Variants in SLC39A9 observed in about 807,000 individuals in gnomAD.
SLC39A9 encodes solute carrier family 39 member 9, also known as zinc transporter ZIP9.
Under a neutral mutation model 28.4 loss-of-function variants are expected in SLC39A9, and 14 were observed. The ratio of observed to expected loss-of-function variants is 0.49; its 90% confidence interval spans 0.33 to 0.77. SLC39A9 has a LOEUF of 0.77. Among genes scored for constraint, SLC39A9 ranks in the 30% least tolerant of loss-of-function variants. The pLI is 0.02. For synonymous variants in SLC39A9, 119 were observed against 149.6 expected (o/e 0.80, Z 1.49); for missense variants, 283 against 381.1 (o/e 0.74, Z 2.14).
Position 69,453,287 on chromosome 14 carries a change from G to T in SLC39A9, c.450G>T (p.Leu150=). 1 of 1,614,008 alleles carries T rather than the reference G, an allele frequency of 6.2e-7. No homozygotes were observed. Among genetic ancestry groups the T allele is most frequent in the East Asian group, 2.2e-5 (1 of 44,884 alleles). Residue 150 remains leucine (L), a synonymous_variant, in exon 4 of 7, where the codon CTG becomes CTT. Coordinates refer to ENST00000336643, the MANE Select transcript of SLC39A9 (RefSeq NM_018375.5). ...RSSNSKITTT[L]GLVVHAAADG... ...GCAATTCCAAAATCACCACCACGCT[G>T]GGTCTGGTTGTCCATGCTGCAGGTA...
intron 4 of SLC39A9, among the ~76,000 whole-genome samples, chr14:69,453,911 A>G (rs1375629109): frequency 2.6e-5 from 4 of 152,374 alleles, no homozygotes; most frequent in South Asian, 2.1e-4. Context: ...TCTAGCTCTT[A>G]AGAAGAAGTT....
chr14:69,424,350 T>C (rs1009285176), intron 2 of SLC39A9, 148 bp downstream of exon 2: 10 of 610,632 alleles, frequency 1.6e-5, no homozygotes, highest in Non-Finnish European at 2.6e-5. Flanking sequence ...CTTGATATCT[T>C]TGATATTGAC....
In SLC39A9 at chr14:69,458,609, C is replaced by T; in HGVS notation, c.*16C>T. ...CCAGCATTAAATGTTCAAGGTCCAGCCTTGGTCCAGGGCCGTTTGCCATCC... is the reference window on the plus strand; with the variant it reads ...CCAGCATTAAATGTTCAAGGTCCAGTCTTGGTCCAGGGCCGTTTGCCATCC... On this transcript the variant is annotated 3_prime_UTR_variant, in exon 7 of 7. Transcript: ENST00000336643. 1 of 1,591,550 alleles carries T rather than the reference C, an allele frequency of 6.3e-7. No homozygotes were observed. The highest frequency in any genetic ancestry group is 8.6e-7 in the Non-Finnish European group (1 of 1,166,078).
intron 2 of SLC39A9, 85 bp downstream of exon 2, chr14:69,424,287 A>T (rs943764751): frequency 1.0e-6 from 1 of 984,070 alleles, no homozygotes; most frequent in Non-Finnish European, 1.6e-6. Context: ...TTTTCTGAGC[A>T]CAGTTCATGT....
rs905147636 is a variant in SLC39A9 at position 69,440,743 on chromosome 14, G to C, written c.206-1326G>C. On this transcript the variant is annotated intron_variant, in intron 2 of 6. Transcript: ENST00000336643. ...GGCTGGAAGGCAGTGGCGTGATCTC[G>C]GCTCACTGCAACCTCCGACTCCCTG... Among the ~76,000 whole-genome samples the C allele has an allele frequency of 5.9e-5, 9 of 152,158 alleles. 1 individual carries two copies. The highest frequency in any genetic ancestry group is 2.0e-4 in the Admixed American group (3 of 15,276).
At chr14:69,432,941 T>C (rs911895488) in intron 2 of SLC39A9, among the ~76,000 whole-genome samples, 2 of 152,232 alleles carry the variant, frequency 1.3e-5, no homozygotes, top group Non-Finnish European at 2.9e-5. Flanking sequence ...TATAGTCTTA[T>C]AGTGTAGTTT....
chr14:69,460,914 G>T lies in SLC39A9; in HGVS notation c.*2321G>T. Reference sequence around the variant, plus strand: ...TAGGGCTCAAATGCATCTTCAGGCAGCAGGGAACCAAGCAGCGTGGCACAG... The same window carrying T: ...TAGGGCTCAAATGCATCTTCAGGCATCAGGGAACCAAGCAGCGTGGCACAG... On this transcript the variant is annotated 3_prime_UTR_variant, in exon 7 of 7. Transcript: ENST00000336643. The T allele has an allele frequency of 2.0e-6, 2 of 985,580 alleles. No individual in the cohort carries two copies. The highest frequency in any genetic ancestry group is 1.2e-6 in the Non-Finnish European group (1 of 830,054). 61.1% of individuals were successfully genotyped at this position (985,580 alleles called of 1,614,324 possible).
intron 2 of SLC39A9, 46 bp downstream of exon 2, chr14:69,424,248 G>A: frequency 7.1e-7 from 1 of 1,415,914 alleles, no homozygotes; most frequent in Non-Finnish European, 1.0e-6. Context: ...TTGACTTGGA[G>A]GGTTAGCAGG....
At chr14:69,449,871 A>G (rs993825028) in intron 3 of SLC39A9, among the ~76,000 whole-genome samples, 4 of 151,810 alleles carry the variant, frequency 2.6e-5, no homozygotes, top group African/African-American at 9.7e-5. Flanking sequence ...GTGTATACAC[A>G]TGTGTGAGTG....
At chr14:69,453,357 G>C in intron 4 of SLC39A9, 48 bp downstream of exon 4, 1 of 1,550,162 alleles carries the variant, frequency 6.5e-7, no homozygotes, top group Non-Finnish European at 8.9e-7. Context: ...TCGCACAGGG[G>C]AGACCTTAGT....
Position 69,451,426 on chromosome 14 carries a change from T to A in SLC39A9, c.404-1815T>A, listed in dbSNP as rs1286160455. ...TATGTTTCCTACAAGAGCAGTAACA[T>A]CTTTATTTAATACACATAAATGCTT... On this transcript the variant is annotated intron_variant, in intron 3 of 6. Coordinates refer to ENST00000336643, the MANE Select transcript of SLC39A9 (RefSeq NM_018375.5). Among the ~76,000 whole-genome samples the A allele has an allele frequency of 2.0e-5, 3 of 152,222 alleles. No individual in the cohort carries two copies. The East Asian group carries it at 5.8e-4, about 29-fold the overall frequency.
Position 69,458,506 on chromosome 14 carries a change from A to C in SLC39A9, c.837A>C (p.Gly279=), listed in dbSNP as rs777816810. ...ACAGCCACAAGCCCGATGCCACGGG[A>C]GGGAGAGGCCTCAGCCGCCTGGAAG... The part of the protein sequence containing the change: ...IGHSHKPDAT[G]GRGLSRLEVA... Residue 279 remains glycine, a synonymous_variant, in exon 7 of 7, where the codon GGA becomes GGC. Coordinates refer to ENST00000336643, the MANE Select transcript of SLC39A9 (RefSeq NM_018375.5). The C allele has an allele frequency of 6.2e-7, 1 of 1,614,218 alleles. No homozygotes were observed. Among genetic ancestry groups the C allele is most frequent in the East Asian group, 2.2e-5 (1 of 44,890 alleles).
At chr14:69,407,802 C>A (rs946982193) in intron 1 of SLC39A9, among the ~76,000 whole-genome samples, 4 of 151,570 alleles carry the variant, frequency 2.6e-5, no homozygotes, top group African/African-American at 9.7e-5. Flanking sequence ...CCATGCCTGG[C>A]TAGTTTTGTA....
intron 4 of SLC39A9, 76 bp from the exon 5 acceptor site, chr14:69,454,736 C>A: frequency 8.2e-7 from 1 of 1,216,882 alleles, no homozygotes; most frequent in Non-Finnish European, 1.2e-6. Context: ...GACTGTAAAG[C>A]TCATACACTC....
intron 1 of SLC39A9, among the ~76,000 whole-genome samples, chr14:69,420,139 T>C (rs1297804090): frequency 6.6e-6 from 1 of 152,190 alleles, no homozygotes; most frequent in African/African-American, 2.4e-5. Flanking sequence ...CTGGTACTGG[T>C]TGTTCCTTTC....
intron 2 of SLC39A9, among the ~76,000 whole-genome samples, chr14:69,439,134 A>G (rs562956323): frequency 1.3e-5 from 2 of 152,342 alleles, no homozygotes; most frequent in South Asian, 2.1e-4. Flanking sequence ...ATTTTTATAC[A>G]CTAACAATGA....
intron 4 of SLC39A9, among the ~76,000 whole-genome samples, chr14:69,453,910 T>C (rs924846328): frequency 6.6e-6 from 1 of 152,224 alleles, no homozygotes; most frequent in African/African-American, 2.4e-5. Flanking sequence ...GTCTAGCTCT[T>C]AAGAAGAAGT....
chr14:69,446,447 AGAAG>A (rs1885307760), intron 3 of SLC39A9, among the ~76,000 whole-genome samples: 1 of 151,904 alleles, frequency 6.6e-6, no homozygotes, highest in South Asian at 2.1e-4. Context: ...TGAAAAAAAC[AGAAG>A]GAAGGAAGAA....
chr14:69,444,636 T>A lies in SLC39A9; in HGVS notation c.403+2370T>A, dbSNP rs1212523953. Among the ~76,000 whole-genome samples, 3 of 152,092 alleles carry A rather than the reference T, an allele frequency of 2.0e-5. No individual in the cohort carries two copies. The East Asian group carries it at 5.8e-4, about 29-fold the overall frequency. On this transcript the variant is annotated intron_variant, in intron 3 of 6. Transcript: ENST00000336643. ...CTACATATATGTTTACCCTTTGAAATCCCACTTCTAGGGATTTACTCAAAT... is the reference window on the plus strand; with the variant it reads ...CTACATATATGTTTACCCTTTGAAAACCCACTTCTAGGGATTTACTCAAAT...
Sources: allele counts gnomAD v4.1 joint callset (sites outside exome capture counted in the v4.1 genomes callset), GRCh38; gene constraint gnomAD v4.1.1; transcripts MANE v1.5; gene names NCBI Gene and HGNC (gene_info 2026-07-23, HGNC 2026-07-21).